LINGO2: variants seen among roughly 807,000 people sequenced by gnomAD.
The protein encoded by LINGO2 is leucine rich repeat and Ig domain containing 2.
In LINGO2, 14 loss-of-function variants were observed where a neutral mutation model predicts 30.6. The observed-to-expected ratio is 0.46, with a 90% CI of 0.30 to 0.72. LINGO2 has a LOEUF of 0.72. Ranked by LOEUF, LINGO2 falls within the 30% of genes least tolerant of loss-of-function variation. LINGO2 has a pLI of 0.07. For synonymous variants in LINGO2, 317 were observed against 288.5 expected (o/e 1.10, Z -1.00); for missense variants, 729 against 751.7 (o/e 0.97, Z 0.35).
intron 4 of LINGO2, among the ~76,000 whole-genome samples, chr9:28,052,262 C>T (rs867625700): frequency 3.9e-5 from 6 of 152,194 alleles, no homozygotes; most frequent in South Asian, 2.1e-4. Flanking sequence ...TTGAGAGTCA[C>T]TTCATGAAAA....
intron 4 of LINGO2, among the ~76,000 whole-genome samples, chr9:28,031,896 T>TAA (rs1164498699): frequency 6.6e-6 from 1 of 152,158 alleles, no homozygotes; most frequent in Non-Finnish European, 1.5e-5. Flanking sequence ...AAATCCTCCT[T>TAA]AAAATACCTT....
chr9:28,058,746 T>C (rs1376047507), intron 4 of LINGO2, among the ~76,000 whole-genome samples: 2 of 152,096 alleles, frequency 1.3e-5, no homozygotes, highest in Non-Finnish European at 2.9e-5. Flanking sequence ...TATCAAAAAA[T>C]ATTGCACTAT....
At chr9:28,654,543 G>A (rs371963905) in intron 1 of LINGO2, among the ~76,000 whole-genome samples, 3 of 151,900 alleles carry the variant, frequency 2.0e-5, no homozygotes, top group South Asian at 2.1e-4. Context: ...TAAATAAGCC[G>A]AATTTCTTTA....
chr9:29,192,233 C>T, the LINGO2 span, among the ~76,000 whole-genome samples: 2 of 152,030 alleles, frequency 1.3e-5, no homozygotes, highest in East Asian at 1.9e-4. Flanking sequence ...ATATGTGCAT[C>T]CAGTTAATTT....
chr9:28,014,709 G>A (rs919410344), intron 4 of LINGO2, among the ~76,000 whole-genome samples: 1 of 152,110 alleles, frequency 6.6e-6, no homozygotes, highest in Non-Finnish European at 1.5e-5. Flanking sequence ...TAGAAGTTGA[G>A]TTGTTGAGCC....
intron 4 of LINGO2, among the ~76,000 whole-genome samples, chr9:28,191,546 TC>T (rs1310028428): frequency 6.6e-6 from 1 of 152,122 alleles, no homozygotes; most frequent in Non-Finnish European, 1.5e-5. Flanking sequence ...CTTGAAGGCC[TC>T]CCTCCCTCCC....
intron 1 of LINGO2, among the ~76,000 whole-genome samples, chr9:28,491,599 A>G (rs1240688231): frequency 1.3e-5 from 2 of 152,120 alleles, no homozygotes; most frequent in Non-Finnish European, 2.9e-5. Context: ...ATGTTTTTGT[A>G]TTAACTTTAA....
intron 4 of LINGO2, among the ~76,000 whole-genome samples, chr9:28,277,266 A>G (rs180766557): frequency 5.4e-4 from 82 of 152,210 alleles, no homozygotes; most frequent in African/African-American, 1.9e-3. Context: ...ATGCTTTATT[A>G]TGTTACTATT....
the LINGO2 span, among the ~76,000 whole-genome samples, chr9:28,894,855 T>C: frequency 4.6e-5 from 7 of 152,114 alleles, no homozygotes; most frequent in Non-Finnish European, 7.4e-5. Context: ...TAATTTTTTG[T>C]AGTAAGAATA....
intron 4 of LINGO2, among the ~76,000 whole-genome samples, chr9:28,192,032 C>A (rs1377766230): frequency 6.6e-6 from 1 of 152,054 alleles, no homozygotes; most frequent in African/African-American, 2.4e-5. Context: ...GTATTTCCAA[C>A]TGCATACTTG....
At chr9:27,970,819 C>T (rs187942517) in intron 5 of LINGO2, among the ~76,000 whole-genome samples, 2 of 151,792 alleles carry the variant, frequency 1.3e-5, no homozygotes, top group African/African-American at 4.8e-5. Flanking sequence ...TAATGGTATG[C>T]TATGGAAACA....
At chr9:28,963,685 A>G in the LINGO2 span, among the ~76,000 whole-genome samples, 14 of 152,010 alleles carry the variant, frequency 9.2e-5, no homozygotes, top group Non-Finnish European at 1.6e-4. Context: ...GTGCAGAAAG[A>G]CAAATACCAT....
chr9:28,021,438 G>C (rs906263372), intron 4 of LINGO2, among the ~76,000 whole-genome samples: 3 of 152,172 alleles, frequency 2.0e-5, no homozygotes, highest in East Asian at 1.9e-4. Context: ...AATGCTCCAC[G>C]TGAGTATCAG....
chr9:28,972,975 C>A, the LINGO2 span, among the ~76,000 whole-genome samples: 1 of 152,008 alleles, frequency 6.6e-6, no homozygotes, highest in East Asian at 1.9e-4. Flanking sequence ...GAATACACAG[C>A]CAAACCATAT....
intron 3 of LINGO2, among the ~76,000 whole-genome samples, chr9:28,307,575 G>A (rs1277416493): frequency 5.3e-5 from 8 of 152,230 alleles, no homozygotes; most frequent in South Asian, 2.1e-4. Context: ...GGAAGTTCTC[G>A]CCAGGGCAAT....
chr9:28,922,988 G>A, the LINGO2 span, among the ~76,000 whole-genome samples: 9 of 152,136 alleles, frequency 5.9e-5, no homozygotes, highest in African/African-American at 1.2e-4. Context: ...TACAACGCAA[G>A]GATTGAAGTA....
intron 4 of LINGO2, among the ~76,000 whole-genome samples, chr9:28,275,147 C>T (rs1426885640): frequency 6.6e-6 from 1 of 152,046 alleles, no homozygotes; most frequent in Non-Finnish European, 1.5e-5. Context: ...TGGCTCACTG[C>T]AAGCTCCGTC....
At chr9:28,465,642 G>A (rs1434126324) in intron 2 of LINGO2, among the ~76,000 whole-genome samples, 2 of 152,100 alleles carry the variant, frequency 1.3e-5, no homozygotes, top group Non-Finnish European at 2.9e-5. Flanking sequence ...CTTCTGCATA[G>A]CAAAGGAACC....
At chr9:28,950,591 T>A in the LINGO2 span, among the ~76,000 whole-genome samples, 1 of 152,070 alleles carries the variant, frequency 6.6e-6, no homozygotes, top group South Asian at 2.1e-4. Flanking sequence ...AGCATTCCTA[T>A]ACAACAATAA....
Sources: allele counts gnomAD v4.1 joint callset (sites outside exome capture counted in the v4.1 genomes callset), GRCh38; gene constraint gnomAD v4.1.1; transcripts MANE v1.5; gene names NCBI Gene and HGNC (gene_info 2026-07-23, HGNC 2026-07-21).